CSMD2: variants seen among roughly 807,000 people sequenced by gnomAD.
The protein encoded by CSMD2 is CUB and sushi domain-containing protein 2.
Under a neutral mutation model 398.5 loss-of-function variants are expected in CSMD2, and 130 were observed. The observed-to-expected ratio is 0.33, with a 90% confidence interval of 0.28 to 0.38. The LOEUF (loss-of-function observed/expected upper bound fraction) is 0.38, where lower values mean the gene tolerates loss of function less well. CSMD2 is among the 10% of genes least tolerant of loss of function. The pLI is 1.00. For missense variants in CSMD2, 3,829 were observed against 4,764.9 expected (o/e 0.80, Z 5.78); for synonymous variants, 1,828 against 1,908.5 (o/e 0.96, Z 1.10).
At chr1:33,890,496 C>A (rs1253971877) in intron 5 of CSMD2, among the ~76,000 whole-genome samples, 1 of 152,142 alleles carries the variant, frequency 6.6e-6, no homozygotes, top group Non-Finnish European at 1.5e-5. Context: ...TCCCAAAGTG[C>A]TGGGATTACA....
At chr1:33,746,858 G>A (rs762493387) in intron 13 of CSMD2, among the ~76,000 whole-genome samples, 1 of 152,152 alleles carries the variant, frequency 6.6e-6, no homozygotes, top group Non-Finnish European at 1.5e-5. Context: ...TCCAAACCTC[G>A]ACCAACAGAT....
chr1:34,158,327 C>G (rs1640995209), intron 1 of CSMD2, among the ~76,000 whole-genome samples: 1 of 152,138 alleles, frequency 6.6e-6, no homozygotes, highest in Non-Finnish European at 1.5e-5. Context: ...CAGGTTCACC[C>G]CGATGTTCCC....
At chr1:33,856,025 G>A (rs180684353) in intron 5 of CSMD2, among the ~76,000 whole-genome samples, 2 of 152,300 alleles carry the variant, frequency 1.3e-5, no homozygotes, top group African/African-American at 2.4e-5. Flanking sequence ...GGCATGCAAC[G>A]TAACTTCTCT....
intron 33 of CSMD2, among the ~76,000 whole-genome samples, chr1:33,626,195 C>T (rs1642118342): frequency 6.6e-6 from 1 of 152,194 alleles, no homozygotes; most frequent in Non-Finnish European, 1.5e-5. Context: ...CTCTTCAGTG[C>T]CATCTGGACC....
chr1:33,579,870 G>A (rs1423278696), intron 48 of CSMD2, among the ~76,000 whole-genome samples: 2 of 151,992 alleles, frequency 1.3e-5, no homozygotes, highest in Non-Finnish European at 2.9e-5. Context: ...GTAGAGATGG[G>A]GTTTCACTAT....
intron 58 of CSMD2, 107 bp downstream of exon 58, chr1:33,542,613 C>T (rs966431360): frequency 1.5e-5 from 16 of 1,032,752 alleles, no homozygotes; most frequent in East Asian, 1.3e-4. Flanking sequence ...GGTTCAAGTC[C>T]GACCATCCCA....
chr1:33,739,073 T>G, intron 15 of CSMD2, 67 bp downstream of exon 15: 1 of 1,496,680 alleles, frequency 6.7e-7, no homozygotes, highest in Non-Finnish European at 9.1e-7. Context: ...TGGCCTGGGC[T>G]GCTTGCTCCC....
intron 29 of CSMD2, among the ~76,000 whole-genome samples, chr1:33,638,250 G>T (rs1165417914): frequency 6.6e-6 from 1 of 152,154 alleles, no homozygotes; most frequent in Non-Finnish European, 1.5e-5. Context: ...GGCCAGAATA[G>T]AACTGGCCAC....
intron 19 of CSMD2, among the ~76,000 whole-genome samples, chr1:33,719,798 C>T (rs528741532): frequency 6.6e-6 from 1 of 152,256 alleles, no homozygotes; most frequent in Admixed American, 6.5e-5. Context: ...GACATTTACC[C>T]CCGAAGTGAG....
chr1:33,534,091 C>T (rs1557493758), intron 62 of CSMD2, among the ~76,000 whole-genome samples, 184 bp from the exon 63 acceptor site: 2 of 152,196 alleles, frequency 1.3e-5, no homozygotes, highest in African/African-American at 2.4e-5. Flanking sequence ...GCCTCCTCCA[C>T]AAGGCCTCAT....
chr1:33,802,806 C>T (rs1655759322), intron 10 of CSMD2, among the ~76,000 whole-genome samples: 1 of 152,186 alleles, frequency 6.6e-6, no homozygotes, highest in South Asian at 2.1e-4. Flanking sequence ...CACCATCCCT[C>T]TTCTCCTGTA....
chr1:34,145,733 T>C (rs1261832669), intron 1 of CSMD2, among the ~76,000 whole-genome samples: 1 of 152,148 alleles, frequency 6.6e-6, no homozygotes, highest in Non-Finnish European at 1.5e-5. Flanking sequence ...TAGGAGTCTT[T>C]TCCCCTCCCC....
At chr1:33,646,582 C>T in intron 29 of CSMD2, 66 bp downstream of exon 29, 2 of 1,552,108 alleles carry the variant, frequency 1.3e-6, no homozygotes, top group East Asian at 2.2e-5. Flanking sequence ...CACTACGCTA[C>T]ACTACTTGCC....
chr1:33,729,742 A>G (rs1486621615), intron 15 of CSMD2, among the ~76,000 whole-genome samples: 1 of 152,142 alleles, frequency 6.6e-6, no homozygotes, highest in Non-Finnish European at 1.5e-5. Flanking sequence ...AAACATAAAA[A>G]TACATATTAA....
At chr1:33,879,187 G>A (rs553130666) in intron 5 of CSMD2, among the ~76,000 whole-genome samples, 1 of 152,240 alleles carries the variant, frequency 6.6e-6, no homozygotes, top group East Asian at 1.9e-4. Flanking sequence ...TCTCCAGCAG[G>A]AAATTCATTA....
Position 34,065,854 on chromosome 1 carries a change from A to G in CSMD2, c.404+23123T>C, listed in dbSNP as rs1655050603. 2.6e-5 allele frequency among the ~76,000 whole-genome samples: 4 copies of G among 152,320 alleles called. No individual in the cohort carries two copies. The South Asian group carries it at 8.3e-4, about 32-fold the overall frequency. On this transcript the variant is annotated intron_variant, in intron 2 of 70. Coordinates refer to ENST00000373381, the MANE Select transcript of CSMD2 (RefSeq NM_001281956.2). The stretch of plus-strand genomic sequence containing the variant: ...TTGTGAGTCCACCCATAGAAATTAA[A>G]TGCAAAATTTTAGTTCAATGTGTGT...
intron 2 of CSMD2, among the ~76,000 whole-genome samples, chr1:34,081,104 T>C (rs547435776): frequency 3.3e-5 from 5 of 152,258 alleles, no homozygotes; most frequent in South Asian, 2.1e-4. Context: ...GGTGATTTTA[T>C]TGGTGATTCC....
chr1:33,532,190 G>A (rs1655301568), intron 64 of CSMD2, among the ~76,000 whole-genome samples: 1 of 152,192 alleles, frequency 6.6e-6, no homozygotes. Flanking sequence ...TAGATCTTCA[G>A]CACTTAACCT....
chr1:34,151,378 G>A (rs1640303732), intron 1 of CSMD2, among the ~76,000 whole-genome samples: 1 of 152,130 alleles, frequency 6.6e-6, no homozygotes, highest in South Asian at 2.1e-4. Context: ...CAGAGGTATG[G>A]GGTTGAAGCC....
Sources: gnomAD v4.1 joint callset for allele counts (sites outside exome capture counted in the v4.1 genomes callset) on GRCh38, gnomAD v4.1.1 for gene constraint, MANE v1.5 for transcripts, NCBI Gene and HGNC (gene_info 2026-07-23, HGNC 2026-07-21) for gene names.